Variants in MND1 observed in about 807,000 individuals in gnomAD.
MND1 encodes the protein meiotic nuclear division protein 1 homolog.
In MND1, 28 loss-of-function variants were observed where a neutral mutation model predicts 35.1. The observed-to-expected ratio is 0.80, with a 90% CI of 0.59 to 1.09. The LOEUF (loss-of-function observed/expected upper bound fraction) is 1.09, where lower values mean the gene tolerates loss of function less well. MND1 is among the 50% of genes least tolerant of loss of function. The pLI is 0.00. For synonymous variants in MND1, 69 were observed against 70.5 expected (o/e 0.98, Z 0.11); for missense variants, 213 against 239.6 (o/e 0.89, Z 0.73).
chr4:153,356,725 G>T (rs147229714), intron 3 of MND1, among the ~76,000 whole-genome samples: 4 of 151,514 alleles, frequency 2.6e-5, no homozygotes, highest in African/African-American at 9.7e-5. Context: ...CTTTATTTTC[G>T]ATTTCTTCAG....
At chr4:153,412,517 G>C (rs568185894) in intron 7 of MND1, among the ~76,000 whole-genome samples, 12 of 140,452 alleles carry the variant, frequency 8.5e-5, no homozygotes, top group Non-Finnish European at 1.7e-4. Flanking sequence ...GAGTCTTGAT[G>C]TGTCGCCCAG....
chr4:153,352,705 C>T (rs1424452597), intron 2 of MND1, among the ~76,000 whole-genome samples: 1 of 142,442 alleles, frequency 7.0e-6, no homozygotes, highest in Non-Finnish European at 1.5e-5. Flanking sequence ...CACTCTGTCA[C>T]TCAGGCACTC....
chr4:153,364,252 G>A (rs572169909), intron 4 of MND1, among the ~76,000 whole-genome samples: 5 of 151,778 alleles, frequency 3.3e-5, no homozygotes, highest in African/African-American at 9.7e-5. Flanking sequence ...TCTGTGGTGT[G>A]CATCTGTGGT....
intron 4 of MND1, among the ~76,000 whole-genome samples, chr4:153,379,343 A>G (rs1002189647): frequency 6.6e-6 from 1 of 151,098 alleles, no homozygotes; most frequent in Non-Finnish European, 1.5e-5. Context: ...AAAAGAAACC[A>G]CAAAAGCTAC....
intron 4 of MND1, among the ~76,000 whole-genome samples, chr4:153,386,191 GTT>G (rs1296590861): frequency 3.4e-5 from 5 of 149,106 alleles, no homozygotes; most frequent in Admixed American, 6.7e-5. Flanking sequence ...TTTTGTTTTT[GTT>G]TTTTTTTAAT....
intron 4 of MND1, among the ~76,000 whole-genome samples, chr4:153,373,008 A>G (rs898542595): frequency 4.0e-5 from 6 of 149,938 alleles, no homozygotes; most frequent in African/African-American, 1.5e-4. Flanking sequence ...AACTCTTTCT[A>G]TAGGAAATCT....
At chr4:153,399,261 G>A (rs759453972) in intron 6 of MND1, among the ~76,000 whole-genome samples, 1 of 152,120 alleles carries the variant, frequency 6.6e-6, no homozygotes, top group African/African-American at 2.4e-5. Context: ...CCAAAAAGAC[G>A]TAAGCTTTTC....
At chr4:153,362,178 A>G (rs1773512189) in intron 4 of MND1, among the ~76,000 whole-genome samples, 1 of 152,016 alleles carries the variant, frequency 6.6e-6, no homozygotes, top group Non-Finnish European at 1.5e-5. Flanking sequence ...GTTCTATTTC[A>G]TTATGGCTTC....
chr4:153,380,962 C>T (rs1728663290), intron 4 of MND1, among the ~76,000 whole-genome samples: 3 of 151,408 alleles, frequency 2.0e-5, no homozygotes, highest in South Asian at 2.1e-4. Context: ...TACAGTGGTG[C>T]GATCTCGGCT....
At chr4:153,413,673 T>C (rs1392843208) in intron 7 of MND1, among the ~76,000 whole-genome samples, 1 of 147,358 alleles carries the variant, frequency 6.8e-6, no homozygotes, top group Non-Finnish European at 1.5e-5. Flanking sequence ...CAAAGCAAGA[T>C]CCTGTCTCAA....
At chr4:153,392,395 A>C (rs752063043) in intron 4 of MND1, among the ~76,000 whole-genome samples, 1 of 152,128 alleles carries the variant, frequency 6.6e-6, no homozygotes, top group Non-Finnish European at 1.5e-5. Context: ...GTGAGCCACC[A>C]TGCCCGGCCG....
chr4:153,397,098 T>C (rs979110710), intron 5 of MND1, 121 bp from the exon 6 acceptor site: 16 of 602,530 alleles, frequency 2.7e-5, no homozygotes, highest in Non-Finnish European at 3.8e-5. Context: ...ATATATATAA[T>C]GTCAAAAGTC....
chr4:153,368,422 A>G (rs575980037), intron 4 of MND1, among the ~76,000 whole-genome samples: 1 of 152,188 alleles, frequency 6.6e-6, no homozygotes, highest in Non-Finnish European at 1.5e-5. Context: ...TTGTTAAAGG[A>G]TAGTGTGTCT....
At chr4:153,395,894 T>C in intron 5 of MND1, among the ~76,000 whole-genome samples, 1 of 152,292 alleles carries the variant, frequency 6.6e-6, no homozygotes, top group Non-Finnish European at 1.5e-5. Flanking sequence ...GTTTTGTTTT[T>C]TGGTTTGTTT....
At chr4:153,372,992 T>C in intron 4 of MND1, among the ~76,000 whole-genome samples, 1 of 152,128 alleles carries the variant, frequency 6.6e-6, no homozygotes, top group South Asian at 2.1e-4. Context: ...ACTCTTTCTT[T>C]TGAGTAACTC....
intron 4 of MND1, among the ~76,000 whole-genome samples, chr4:153,362,078 C>T (rs957236732): frequency 6.6e-6 from 1 of 152,178 alleles, no homozygotes; most frequent in Non-Finnish European, 1.5e-5. Context: ...CTTAGCTGTT[C>T]ATTAAGTCTT....
Position 153,358,495 on chromosome 4 carries a change from T to G in MND1, c.149T>G (p.Val50Gly). 6.2e-7 allele frequency: 1 copy of G among 1,603,606 alleles called. No homozygotes were observed. Among genetic ancestry groups the G allele is most frequent in the Non-Finnish European group, 8.5e-7 (1 of 1,175,424 alleles). Reference protein sequence around the residue: ...KGITAMSVKEVLQSLVDDGMV... With the variant: ...KGITAMSVKEGLQSLVDDGMV... ...TTAGCTGCTATGTCAGTAAAAGAAG[T>G]CCTTCAAAGCTTAGTTGATGATGGT... The change falls in exon 4 of 8, where the codon GTC becomes GGC. Residue 50 changes from valine to glycine, a missense_variant. Val to Gly is a moderately radical substitution (Grantham distance 109). Coordinates refer to ENST00000240488, the MANE Select transcript of MND1 (RefSeq NM_032117.4).
intron 6 of MND1, among the ~76,000 whole-genome samples, chr4:153,407,527 G>T (rs1178963192): frequency 6.6e-6 from 1 of 152,144 alleles, no homozygotes; most frequent in Non-Finnish European, 1.5e-5. Flanking sequence ...ATTGCTGGTG[G>T]TATTATAAAG....
At chr4:153,407,623 T>C (rs1364369919) in intron 6 of MND1, among the ~76,000 whole-genome samples, 1 of 152,066 alleles carries the variant, frequency 6.6e-6, no homozygotes, top group Non-Finnish European at 1.5e-5. Flanking sequence ...CAAAAATTAT[T>C]CGTATTAGCA....
Sources: allele counts gnomAD v4.1 joint callset (sites outside exome capture counted in the v4.1 genomes callset), GRCh38; gene constraint gnomAD v4.1.1; transcripts MANE v1.5; gene names NCBI Gene and HGNC (gene_info 2026-07-23, HGNC 2026-07-21).